RPF1: variants seen among roughly 807,000 people sequenced by gnomAD.
RPF1 encodes the protein ribosome production factor 1 homolog.
Under a neutral mutation model 41.9 loss-of-function variants are expected in RPF1, and 34 were observed. That is an observed-to-expected ratio of 0.81 (90% CI 0.62 to 1.08). The LOEUF (loss-of-function observed/expected upper bound fraction) is 1.08. RPF1 is among the 50% of genes least tolerant of loss of function. The probability of loss-of-function intolerance (pLI) is 0.00; values close to 1 mark genes in which losing one functional copy is unlikely to be tolerated. For synonymous variants in RPF1, 140 were observed against 148.9 expected (o/e 0.94, Z 0.43); for missense variants, 425 against 435.2 (o/e 0.98, Z 0.21).
intron 2 of RPF1, among the ~76,000 whole-genome samples, chr1:84,481,910 G>C (rs1010779748): frequency 7.2e-5 from 11 of 152,138 alleles, no homozygotes; most frequent in African/African-American, 2.7e-4. Context: ...TACATTCTTT[G>C]AATAGTATTA....
chr1:84,484,497 G>T (rs1681705755), intron 3 of RPF1, among the ~76,000 whole-genome samples: 1 of 150,966 alleles, frequency 6.6e-6, no homozygotes, highest in Non-Finnish European at 1.5e-5. Flanking sequence ...CTTAAATTTA[G>T]AACAATTCCT....
chr1:84,488,525 G>GT (rs1681773854), intron 3 of RPF1, among the ~76,000 whole-genome samples: 3 of 152,066 alleles, frequency 2.0e-5, no homozygotes, highest in Admixed American at 2.0e-4. Context: ...GCAAATGACA[G>GT]TTTTCTTATT....
chr1:84,490,984 C>T (rs977399059), intron 5 of RPF1, among the ~76,000 whole-genome samples: 5 of 152,128 alleles, frequency 3.3e-5, no homozygotes, highest in Admixed American at 3.3e-4. Flanking sequence ...AAGGGCTGAC[C>T]TAGTTGGGGA....
chr1:84,491,452 TTTAA>T (rs1268850708), intron 5 of RPF1, among the ~76,000 whole-genome samples: 7 of 152,220 alleles, frequency 4.6e-5, no homozygotes, highest in East Asian at 1.9e-4. Context: ...CTTTTATGAC[TTTAA>T]TTGTTATCAA....
At chr1:84,492,162 A>G (rs948539665) in intron 5 of RPF1, among the ~76,000 whole-genome samples, 30 of 151,892 alleles carry the variant, frequency 2.0e-4, no homozygotes, top group African/African-American at 7.3e-4. Context: ...CTCTGTCAAA[A>G]AAAAAAAAAT....
chr1:84,480,221 G>A (rs1411374392), intron 1 of RPF1, among the ~76,000 whole-genome samples: 1 of 152,164 alleles, frequency 6.6e-6, no homozygotes, highest in Admixed American at 6.5e-5. Context: ...TCAAGGTGCT[G>A]TTTCAATACA....
At position 84,490,353 on chromosome 1, in the gene RPF1, T is replaced by G; in HGVS notation, c.497T>G (p.Val166Gly). ...CGACTCTGTGAACAGCTCTCCACAG[T>G]TATACCAAACTCACATGTTTATTAC... ...TVRLCEQLST[V>G]IPNSHVYYRR... Residue 166 changes from valine (V) to glycine (G), a missense_variant, in exon 5 of 9, where the codon GTT becomes GGT. Val to Gly is a moderately radical substitution (Grantham distance 109). Coordinates refer to ENST00000370654, the MANE Select transcript of RPF1 (RefSeq NM_025065.7). 6.2e-7 allele frequency: 1 copy of G among 1,608,782 alleles called. No individual in the cohort carries two copies. The highest frequency in any genetic ancestry group is 8.5e-7 in the Non-Finnish European group (1 of 1,178,102).
intron 1 of RPF1, among the ~76,000 whole-genome samples, chr1:84,480,289 G>T (rs1473589710): frequency 2.6e-5 from 4 of 152,162 alleles, no homozygotes; most frequent in Admixed American, 2.6e-4. Flanking sequence ...TGTCCTGGAA[G>T]ACTTATTGGA....
At chr1:84,480,039 T>TA (rs1558537082) in intron 1 of RPF1, among the ~76,000 whole-genome samples, 1 of 152,202 alleles carries the variant, frequency 6.6e-6, no homozygotes. Flanking sequence ...CGTAAAGAGG[T>TA]TTAAACGACT....
chr1:84,497,511 A>G lies in RPF1; in HGVS notation c.*41A>G, dbSNP rs777606088. 7.1e-7 allele frequency: 1 copy of G among 1,416,672 alleles called. No homozygotes were observed. Among genetic ancestry groups the G allele is most frequent in the Middle Eastern group, 1.8e-4 (1 of 5,550 alleles). 87.8% of individuals were successfully genotyped at this position (1,416,672 alleles called of 1,614,324 possible). A position where few individuals can be genotyped will look rare whatever the true frequency, so the allele number is the denominator to read the frequency against. On this transcript the variant is annotated 3_prime_UTR_variant, in exon 9 of 9. Coordinates refer to ENST00000370654, the MANE Select transcript of RPF1 (RefSeq NM_025065.7). ...ATATTGGATTTTGCTGAACAGGCCTATCTTGAACTTTGGTAAATTATTTTT... is the reference window on the plus strand; with the variant it reads ...ATATTGGATTTTGCTGAACAGGCCTGTCTTGAACTTTGGTAAATTATTTTT...
intron 5 of RPF1, among the ~76,000 whole-genome samples, chr1:84,493,668 A>G (rs917847653): frequency 6.6e-6 from 1 of 152,190 alleles, no homozygotes; most frequent in African/African-American, 2.4e-5. Flanking sequence ...TGTTTTCCTA[A>G]CTCAAAAAGT....
intron 5 of RPF1, among the ~76,000 whole-genome samples, chr1:84,494,036 C>T (rs1681884994): frequency 6.6e-6 from 1 of 152,122 alleles, no homozygotes; most frequent in Non-Finnish European, 1.5e-5. Flanking sequence ...TTTCACTTAG[C>T]ATGTGAGAAA....
chr1:84,479,468 C>T lies in RPF1; in HGVS notation c.187C>T (p.Arg63Ter). The T allele has an allele frequency of 6.2e-7, 1 of 1,614,220 alleles. No individual in the cohort carries two copies. The part of the protein sequence containing the change: ...SISEIKNKQR[R>*]HLMFTRWKQQ... ...TTCGGAGATTAAAAACAAACAGCGG[C>T]GACACTTAATGTTCACGCGGTGGAA... Residue 63 changes from arginine to a stop codon, truncating the protein, a stop_gained, in exon 1 of 9, where the codon CGA becomes TGA. Transcript: ENST00000370654. LOFTEE classifies it high-confidence loss of function.
chr1:84,495,659 G>A (rs1392927455), intron 6 of RPF1, among the ~76,000 whole-genome samples: 3 of 152,256 alleles, frequency 2.0e-5, no homozygotes, highest in East Asian at 3.9e-4. Context: ...TATGAAGCAC[G>A]TTGATTTTCT....
chr1:84,490,718 A>AT (rs1436929727), intron 5 of RPF1, among the ~76,000 whole-genome samples: 2 of 152,208 alleles, frequency 1.3e-5, no homozygotes, highest in Non-Finnish European at 2.9e-5. Flanking sequence ...CTAAAACAAG[A>AT]GACAACCAGG....
intron 3 of RPF1, 42 bp from the exon 4 acceptor site, chr1:84,489,591 G>A: frequency 9.2e-7 from 1 of 1,085,304 alleles, no homozygotes; most frequent in Non-Finnish European, 1.4e-6. Context: ...GCCCAGTAGA[G>A]TATTTCTTTG....
chr1:84,496,174 T>C (rs1029767464), intron 7 of RPF1, 70 bp from the exon 8 acceptor site: 2 of 1,502,090 alleles, frequency 1.3e-6, no homozygotes, highest in Non-Finnish European at 1.8e-6. Flanking sequence ...AAATGAATTA[T>C]CTTTTGAACC....
In RPF1 at chr1:84,489,651, A is replaced by G. The variant is rs140375405; in HGVS notation, c.385A>G (p.Thr129Ala). 1.4e-4 allele frequency: 228 copies of G among 1,602,826 alleles called. No individual in the cohort carries two copies. Among genetic ancestry groups the G allele is most frequent in the Non-Finnish European group, 1.8e-4 (208 of 1,170,000 alleles). Residue 129 changes from threonine to alanine, a missense_variant, in exon 4 of 9, where the codon ACA becomes GCA. By Grantham distance (58) the Thr-to-Ala change is moderately conservative. Transcript: ENST00000370654. ...NDEEVAYDEATDEFASYFNKQ... is the reference protein window; with the variant it reads ...NDEEVAYDEAADEFASYFNKQ... Reference sequence around the variant, plus strand: ...TTCTCAGGTCGCTTATGATGAAGCTACAGATGAATTTGCTTCTTACTTCAA... The same window carrying G: ...TTCTCAGGTCGCTTATGATGAAGCTGCAGATGAATTTGCTTCTTACTTCAA...
At chr1:84,490,502 C>G in intron 5 of RPF1, 30 bp downstream of exon 5, 2 of 1,473,284 alleles carry the variant, frequency 1.4e-6, no homozygotes, top group Non-Finnish European at 1.8e-6. Flanking sequence ...GGAGGTTTTC[C>G]TGTCCTCTCC....
Sources: gnomAD v4.1 joint callset for allele counts (sites outside exome capture counted in the v4.1 genomes callset) on GRCh38, gnomAD v4.1.1 for gene constraint, MANE v1.5 for transcripts, NCBI Gene and HGNC (gene_info 2026-07-23, HGNC 2026-07-21) for gene names.